CNTNAP4: variants seen among roughly 807,000 people sequenced by gnomAD.
CNTNAP4 encodes contactin-associated protein-like 4.
A neutral mutation model predicts 148.4 loss-of-function variants in CNTNAP4; 98 were observed. The ratio of observed to expected loss-of-function variants is 0.66; its 90% CI spans 0.56 to 0.78. CNTNAP4 has a LOEUF of 0.78. CNTNAP4 is among the 30% of genes least tolerant of loss of function. The pLI is 0.00. For synonymous variants in CNTNAP4, 730 were observed against 565.1 expected, an observed-to-expected ratio of 1.29 and a Z score of -4.14; for missense variants, 1,935 against 1,565.6, an observed-to-expected ratio of 1.24 and a Z score of -3.98.
intron 4 of CNTNAP4, among the ~76,000 whole-genome samples, chr16:76,429,295 T>C (rs901466597): frequency 3.3e-5 from 5 of 152,190 alleles, no homozygotes; most frequent in African/African-American, 1.2e-4. Flanking sequence ...TCATGCCACA[T>C]GATGGACAAC....
At chr16:76,358,190 G>A (rs1293674555) in intron 3 of CNTNAP4, among the ~76,000 whole-genome samples, 3 of 152,096 alleles carry the variant, frequency 2.0e-5, no homozygotes, top group Non-Finnish European at 2.9e-5. Context: ...AAAAAAGTTA[G>A]CTGGGCATGG....
intron 1 of CNTNAP4, among the ~76,000 whole-genome samples, chr16:76,291,644 G>A (rs1959120835): frequency 6.6e-6 from 1 of 152,104 alleles, no homozygotes; most frequent in Non-Finnish European, 1.5e-5. Context: ...TTCGTAATCA[G>A]TAAATCTCAG....
chr16:76,340,185 A>C (rs1368443386), intron 2 of CNTNAP4, among the ~76,000 whole-genome samples: 2 of 152,126 alleles, frequency 1.3e-5, no homozygotes, highest in African/African-American at 2.4e-5. Context: ...CAACAGTGAG[A>C]AGGGACTGGT....
chr16:76,476,213 T>C (rs184400822), intron 11 of CNTNAP4, among the ~76,000 whole-genome samples, 168 bp downstream of exon 11: 1 of 152,248 alleles, frequency 6.6e-6, no homozygotes, highest in Admixed American at 6.5e-5. Flanking sequence ...AAGTACATAA[T>C]ATGAAACAAA....
At chr16:76,542,242 C>G (rs2084492823) in intron 21 of CNTNAP4, among the ~76,000 whole-genome samples, 1 of 152,180 alleles carries the variant, frequency 6.6e-6, no homozygotes, top group South Asian at 2.1e-4. Flanking sequence ...ATAGCTATTT[C>G]AGGCCACTGT....
At chr16:76,553,522 T>G in intron 22 of CNTNAP4, 21 bp downstream of exon 22, 1 of 1,544,102 alleles carries the variant, frequency 6.5e-7, no homozygotes, top group Non-Finnish European at 8.9e-7. Context: ...GTTCTTCCTC[T>G]ACTCAGTCAC....
chr16:76,535,060 G>A (rs186174842), intron 17 of CNTNAP4, among the ~76,000 whole-genome samples: 134 of 152,220 alleles, frequency 8.8e-4, no homozygotes, highest in African/African-American at 3.2e-3. Flanking sequence ...TCTTTTCAAT[G>A]AATGGATAAC....
chr16:76,479,708 A>T (rs567699253), intron 12 of CNTNAP4, among the ~76,000 whole-genome samples, 170 bp downstream of exon 12: 2 of 152,174 alleles, frequency 1.3e-5, no homozygotes, highest in Non-Finnish European at 1.5e-5. Context: ...AATGGTAATG[A>T]TTTTAAATGT....
At chr16:76,337,243 G>A (rs1647353402) in intron 2 of CNTNAP4, among the ~76,000 whole-genome samples, 1 of 152,228 alleles carries the variant, frequency 6.6e-6, no homozygotes, top group African/African-American at 2.4e-5. Flanking sequence ...AGCCTTGAAT[G>A]AAAGACTTTC....
At chr16:76,409,806 T>C (rs1426229754) in intron 3 of CNTNAP4, among the ~76,000 whole-genome samples, 3 of 151,906 alleles carry the variant, frequency 2.0e-5, no homozygotes, top group Non-Finnish European at 4.4e-5. Context: ...GTGGGGTGAC[T>C]TGGATGTTAA....
Position 76,553,484 on chromosome 16 carries a change from G to A in CNTNAP4, c.3644G>A (p.Arg1215Lys). 2 of 1,610,742 alleles carry A rather than the reference G, an allele frequency of 1.2e-6. No homozygotes were observed. Among genetic ancestry groups the A allele is most frequent in the South Asian group, 1.1e-5 (1 of 90,320 alleles). ...GGCACTGATGCCACATCAAGGGAAA[G>A]GACACACTCGTTTGCAGGTGACTTA... Reference protein sequence around the residue: ...QPGTDATSRERTHSFADHSGT... With the variant: ...QPGTDATSREKTHSFADHSGT... The change falls in exon 22 of 24, where the codon AGG becomes AAG. Residue 1215 changes from arginine (R) to lysine (K), a missense_variant. Arg to Lys is a conservative substitution (Grantham distance 26). Coordinates refer to ENST00000611870, the MANE Select transcript of CNTNAP4 (RefSeq NM_033401.5).
At chr16:76,410,656 A>G (rs1466499474) in intron 3 of CNTNAP4, among the ~76,000 whole-genome samples, 1 of 151,768 alleles carries the variant, frequency 6.6e-6, no homozygotes, top group Non-Finnish European at 1.5e-5. Context: ...ATTACTAAAT[A>G]AAATACTCTC....
chr16:76,410,539 T>G (rs891099012), intron 3 of CNTNAP4, among the ~76,000 whole-genome samples: 3 of 151,688 alleles, frequency 2.0e-5, no homozygotes, highest in Non-Finnish European at 3.0e-5. Context: ...AATAAGCAGT[T>G]TACACCAGTC....
chr16:76,321,614 C>A (rs1962419122), intron 2 of CNTNAP4, among the ~76,000 whole-genome samples: 1 of 151,404 alleles, frequency 6.6e-6, no homozygotes, highest in African/African-American at 2.4e-5. Context: ...ATGGTGAAAC[C>A]CCATCTCTAC....
chr16:76,450,725 G>T (rs1392531776), intron 7 of CNTNAP4, among the ~76,000 whole-genome samples: 1 of 152,128 alleles, frequency 6.6e-6, no homozygotes, highest in African/African-American at 2.4e-5. Context: ...TGGCAATGTT[G>T]GTCAGACTGC....
At chr16:76,536,312 C>T (rs1377529085) in intron 18 of CNTNAP4, among the ~76,000 whole-genome samples, 1 of 152,124 alleles carries the variant, frequency 6.6e-6, no homozygotes, top group Non-Finnish European at 1.5e-5. Context: ...TCTCCTGCCT[C>T]CGCCTCCCGA....
chr16:76,435,387 C>T (rs1255187473), intron 4 of CNTNAP4, among the ~76,000 whole-genome samples: 1 of 152,162 alleles, frequency 6.6e-6, no homozygotes, highest in Non-Finnish European at 1.5e-5. Flanking sequence ...TGTTTTGCCT[C>T]TGCTGTCCAT....
chr16:76,497,560 C>A (rs754529824), intron 14 of CNTNAP4, among the ~76,000 whole-genome samples: 2 of 151,818 alleles, frequency 1.3e-5, no homozygotes, highest in African/African-American at 4.8e-5. Context: ...ATGGATGAAG[C>A]TGGAAACCAT....
chr16:76,560,496 C>T lies in CNTNAP4; in HGVS notation c.*1813C>T, dbSNP rs571608450. On this transcript the variant is annotated 3_prime_UTR_variant, in exon 24 of 24. Transcript: ENST00000611870. ...TAACATAGAAATGGCATTATTTATT[C>T]GATGCAAAGCTGAGTGCAAACATCA... Among the ~76,000 whole-genome samples the T allele has an allele frequency of 6.6e-5, 10 of 152,094 alleles. No individual in the cohort carries two copies. The highest frequency in any genetic ancestry group is 2.1e-4 in the South Asian group (1 of 4,826).
Sources: allele counts gnomAD v4.1 joint callset (sites outside exome capture counted in the v4.1 genomes callset), GRCh38; gene constraint gnomAD v4.1.1; transcripts MANE v1.5; gene names NCBI Gene and HGNC (gene_info 2026-07-23, HGNC 2026-07-21).